Variants in SLC35F3 observed in about 807,000 individuals in gnomAD.
SLC35F3 encodes solute carrier family 35 member F3.
SLC35F3 carries 25 observed loss-of-function variants against 49.9 expected under a neutral mutation model. That is an observed-to-expected ratio of 0.50 (90% confidence interval 0.37 to 0.70). The LOEUF (loss-of-function observed/expected upper bound fraction) is 0.70. Among genes scored for constraint, SLC35F3 ranks in the 30% least tolerant of loss-of-function variants. The pLI, the probability that SLC35F3 is intolerant of heterozygous loss-of-function variation, is 0.00. For synonymous variants in SLC35F3, 275 were observed against 265.4 expected, an observed-to-expected ratio of 1.04 and a Z score of -0.35; for missense variants, 525 against 639.8, an observed-to-expected ratio of 0.82 and a Z score of 1.94.
chr1:234,135,775 A>C (rs1434961774), intron 2 of SLC35F3, among the ~76,000 whole-genome samples: 1 of 152,244 alleles, frequency 6.6e-6, no homozygotes, highest in African/African-American at 2.4e-5. Context: ...AAAGGAAAGC[A>C]GGTGTTCAGC....
At chr1:234,219,408 T>C (rs1667169203) in intron 2 of SLC35F3, among the ~76,000 whole-genome samples, 1 of 152,190 alleles carries the variant, frequency 6.6e-6, no homozygotes, top group African/African-American at 2.4e-5. Context: ...GCAAAAGTCA[T>C]TCATGTAGTG....
At chr1:234,287,214 A>C (rs1294256533) in intron 3 of SLC35F3, among the ~76,000 whole-genome samples, 1 of 151,996 alleles carries the variant, frequency 6.6e-6, no homozygotes, top group Non-Finnish European at 1.5e-5. Context: ...TAAAAATAAA[A>C]ATTTAAAAAG....
intron 2 of SLC35F3, among the ~76,000 whole-genome samples, chr1:234,081,904 A>ATTTTTTTTTTTTTTTTTTTTTTTTTTTT (rs781469880): frequency 2.5e-5 from 1 of 39,232 alleles, no homozygotes; most frequent in African/African-American, 1.3e-4. Flanking sequence ...TGCCTGGCTA[A>ATTTTTTTTTTTTTTTTTTTTTTTTTTTT]TTTTTTTTTT....
intron 2 of SLC35F3, among the ~76,000 whole-genome samples, chr1:234,127,212 T>A (rs1558236641): frequency 6.6e-6 from 1 of 152,220 alleles, no homozygotes; most frequent in African/African-American, 2.4e-5. Context: ...GAATAATCAA[T>A]TTTTCTGTGC....
chr1:234,082,388 C>T (rs1334286856), intron 2 of SLC35F3, among the ~76,000 whole-genome samples: 1 of 152,164 alleles, frequency 6.6e-6, no homozygotes, highest in Non-Finnish European at 1.5e-5. Context: ...CTAACTGTAA[C>T]CATGTCACAA....
At chr1:234,063,814 G>A (rs1471357794) in intron 2 of SLC35F3, among the ~76,000 whole-genome samples, 2 of 152,162 alleles carry the variant, frequency 1.3e-5, no homozygotes, top group Non-Finnish European at 1.5e-5. Flanking sequence ...CAGCATGGAG[G>A]ACTAGGCAGA....
chr1:234,006,684 T>C (rs1663635504), intron 2 of SLC35F3, among the ~76,000 whole-genome samples: 1 of 152,216 alleles, frequency 6.6e-6, no homozygotes, highest in Admixed American at 6.5e-5. Flanking sequence ...ATTTAGCACT[T>C]ACTATGTTGC....
intron 2 of SLC35F3, among the ~76,000 whole-genome samples, chr1:234,178,958 T>C (rs1004740813): frequency 2.6e-5 from 4 of 152,124 alleles, no homozygotes; most frequent in Admixed American, 2.6e-4. Context: ...ATCTCCACAG[T>C]TTTTCCTTTT....
intron 2 of SLC35F3, among the ~76,000 whole-genome samples, chr1:233,978,231 G>T (rs1407683749): frequency 6.6e-6 from 1 of 152,154 alleles, no homozygotes; most frequent in Non-Finnish European, 1.5e-5. Context: ...GTGGCTTGTT[G>T]AAGGTATCCA....
At chr1:234,237,182 G>T (rs1489287507) in intron 3 of SLC35F3, among the ~76,000 whole-genome samples, 3 of 151,698 alleles carry the variant, frequency 2.0e-5, no homozygotes. Context: ...AGGATTCATG[G>T]TACTAATTAT....
At chr1:234,244,585 G>C (rs1000296721) in intron 3 of SLC35F3, among the ~76,000 whole-genome samples, 1 of 151,020 alleles carries the variant, frequency 6.6e-6, no homozygotes, top group South Asian at 2.1e-4. Context: ...GAATGACAAA[G>C]TAAGTTTTAG....
At chr1:234,318,060 A>T (rs888248185) in intron 5 of SLC35F3, among the ~76,000 whole-genome samples, 1 of 152,198 alleles carries the variant, frequency 6.6e-6, no homozygotes, top group Non-Finnish European at 1.5e-5. Context: ...AAGCAGGAAA[A>T]GTAAGAGAGA....
chr1:234,219,334 A>T (rs904913595), intron 2 of SLC35F3, among the ~76,000 whole-genome samples: 11 of 152,232 alleles, frequency 7.2e-5, no homozygotes, highest in African/African-American at 2.7e-4. Flanking sequence ...GTATACTGCC[A>T]AAGAGTTTCC....
chr1:233,931,382 T>A (rs1662239431), intron 2 of SLC35F3, among the ~76,000 whole-genome samples: 1 of 152,208 alleles, frequency 6.6e-6, no homozygotes, highest in Non-Finnish European at 1.5e-5. Context: ...TTTTACAATC[T>A]ATCCATCTGA....
chr1:234,164,846 G>GT (rs1666289630), intron 2 of SLC35F3, among the ~76,000 whole-genome samples: 1 of 146,410 alleles, frequency 6.8e-6, no homozygotes, highest in African/African-American at 2.6e-5. Context: ...TTGGGTGGGG[G>GT]GGGGGGTTGG....
At chr1:234,077,053 G>A (rs903805663) in intron 2 of SLC35F3, among the ~76,000 whole-genome samples, 2 of 148,174 alleles carry the variant, frequency 1.3e-5, no homozygotes, top group African/African-American at 2.5e-5. Flanking sequence ...GCCGGACTGC[G>A]GACTGCAGTG....
intron 2 of SLC35F3, among the ~76,000 whole-genome samples, chr1:233,923,992 G>C (rs1016037818): frequency 6.6e-6 from 1 of 152,194 alleles, no homozygotes; most frequent in Non-Finnish European, 1.5e-5. Flanking sequence ...CAGGGATGAA[G>C]CCAACTCGAT....
At chr1:233,945,292 G>C (rs1229514863) in intron 2 of SLC35F3, among the ~76,000 whole-genome samples, 1 of 152,112 alleles carries the variant, frequency 6.6e-6, no homozygotes, top group East Asian at 1.9e-4. Flanking sequence ...ACAGAGCACA[G>C]TTGGAAGTCC....
In SLC35F3 at chr1:234,227,777, G is replaced by A. The variant is rs1009740746; in HGVS notation, c.284-3640G>A. On this transcript the variant is annotated intron_variant, in intron 2 of 7. Transcript: ENST00000366618. ...TGACCTGAAATTTTGGAGGTGGGGG[G>A]CAGAATTAAACAAAAGTTTCCTACA... Among the ~76,000 whole-genome samples, 4 of 152,298 alleles carry A rather than the reference G, an allele frequency of 2.6e-5. No homozygotes were observed. The East Asian group carries it at 5.8e-4, about 22-fold the overall frequency.
Sources: gnomAD v4.1 joint callset for allele counts (sites outside exome capture counted in the v4.1 genomes callset) on GRCh38, gnomAD v4.1.1 for gene constraint, MANE v1.5 for transcripts, NCBI Gene and HGNC (gene_info 2026-07-23, HGNC 2026-07-21) for gene names.